The following PTPRD variants were observed in gnomAD, a reference collection of about 807,000 sequenced individuals.
PTPRD encodes the protein receptor-type tyrosine-protein phosphatase delta.
In PTPRD, 34 loss-of-function variants were observed where a neutral mutation model predicts 214.5. The ratio of observed to expected loss-of-function variants is 0.16; its 90% CI spans 0.12 to 0.21. PTPRD has a LOEUF of 0.21. Ranked by LOEUF, PTPRD falls within the 10% of genes least tolerant of loss-of-function variation. The probability of loss-of-function intolerance (pLI) is 1.00; values close to 1 mark genes in which losing one functional copy is unlikely to be tolerated. For missense variants in PTPRD, 2,545 were observed against 2,398.7 expected, an observed-to-expected ratio of 1.06 and a Z score of -1.27; for synonymous variants, 1,128 against 845.7, an observed-to-expected ratio of 1.33 and a Z score of -5.79.
chr9:9,098,403 T>G (rs1020842735), intron 10 of PTPRD, among the ~76,000 whole-genome samples: 3 of 152,008 alleles, frequency 2.0e-5, no homozygotes, highest in Admixed American at 2.0e-4. Flanking sequence ...ACTACAGGCA[T>G]GCACCACCAC....
intron 11 of PTPRD, among the ~76,000 whole-genome samples, chr9:9,013,886 T>A: frequency 6.6e-6 from 1 of 152,172 alleles, no homozygotes; most frequent in Middle Eastern, 3.2e-3. Context: ...AGTATCAACG[T>A]GCAAGGTGAG....
At chr9:9,106,012 G>C (rs941600623) in intron 10 of PTPRD, among the ~76,000 whole-genome samples, 5 of 152,052 alleles carry the variant, frequency 3.3e-5, no homozygotes, top group African/African-American at 7.2e-5. Context: ...TTTTCTCTAG[G>C]ACATCATAAT....
At chr9:9,654,277 T>C (rs537449872) in intron 7 of PTPRD, among the ~76,000 whole-genome samples, 39 of 152,284 alleles carry the variant, frequency 2.6e-4, no homozygotes, top group African/African-American at 9.4e-4. Context: ...AAATATGTGA[T>C]GTATAATTTT....
chr9:9,563,111 A>G (rs1197420816), intron 8 of PTPRD, among the ~76,000 whole-genome samples: 1 of 152,188 alleles, frequency 6.6e-6, no homozygotes, highest in African/African-American at 2.4e-5. Flanking sequence ...TAAGAAATAT[A>G]TAATGTGTTT....
At chr9:8,631,688 G>A (rs1040381294) in intron 14 of PTPRD, among the ~76,000 whole-genome samples, 4 of 151,696 alleles carry the variant, frequency 2.6e-5, no homozygotes, top group African/African-American at 9.7e-5. Context: ...TTTTATATAC[G>A]TATGTATCTT....
intron 9 of PTPRD, among the ~76,000 whole-genome samples, chr9:9,368,397 T>C (rs951450540): frequency 6.6e-6 from 1 of 151,848 alleles, no homozygotes; most frequent in African/African-American, 2.4e-5. Context: ...TCATTCCTTG[T>C]TAGGAATCTA....
intron 12 of PTPRD, among the ~76,000 whole-genome samples, chr9:8,712,735 G>A (rs191391019): frequency 6.7e-6 from 1 of 149,434 alleles, no homozygotes; most frequent in Admixed American, 6.7e-5. Flanking sequence ...GGGGGTGGGG[G>A]GCATGGACTT....
At chr9:10,195,098 A>ATTTTTTTTTTTTTTTTTTTTT (rs34900305) in intron 3 of PTPRD, among the ~76,000 whole-genome samples, 7 of 97,910 alleles carry the variant, frequency 7.1e-5, no homozygotes, top group Non-Finnish European at 9.6e-5. Flanking sequence ...ATACCCGGCT[A>ATTTTTTTTTTTTTTTTTTTTT]TTTTTTTTTT....
Position 10,310,858 on chromosome 9 carries a change from G to A in PTPRD, c.-545+30105C>T, listed in dbSNP as rs201666706. ...CAAAGATGATTTTTTTCATTAATAT[G>A]TTGTTACTCTGGGCAGAGGACAGCT... On this transcript the variant is annotated intron_variant, in intron 3 of 45. Transcript: ENST00000381196. Among the ~76,000 whole-genome samples, 7 of 152,018 alleles carry A rather than the reference G, an allele frequency of 4.6e-5. No homozygotes were observed. In the East Asian group the frequency reaches 1.4e-3, roughly 29 times the overall value.
intron 10 of PTPRD, among the ~76,000 whole-genome samples, chr9:9,118,731 A>G (rs1372006201): frequency 1.3e-5 from 2 of 152,232 alleles, no homozygotes; most frequent in African/African-American, 4.8e-5. Flanking sequence ...TAAGGTGACT[A>G]AAAAGCAGTG....
intron 3 of PTPRD, among the ~76,000 whole-genome samples, chr9:10,174,005 T>C (rs901576987): frequency 6.6e-6 from 1 of 152,168 alleles, no homozygotes; most frequent in African/African-American, 2.4e-5. Flanking sequence ...TGTATGCATA[T>C]ACAATTAAGT....
intron 7 of PTPRD, among the ~76,000 whole-genome samples, chr9:9,718,141 A>G (rs929689359): frequency 3.9e-5 from 6 of 152,338 alleles, no homozygotes; most frequent in Admixed American, 3.9e-4. Context: ...ATAGACACAA[A>G]TACAACAAAT....
chr9:9,390,493 C>A (rs1295802138), intron 9 of PTPRD, among the ~76,000 whole-genome samples: 1 of 151,654 alleles, frequency 6.6e-6, no homozygotes, highest in African/African-American at 2.4e-5. Flanking sequence ...TATCTAATGT[C>A]CTAAAGTATT....
At chr9:10,277,247 A>ACAACATAAACAT (rs1564959954) in intron 3 of PTPRD, among the ~76,000 whole-genome samples, 2 of 91,564 alleles carry the variant, frequency 2.2e-5, no homozygotes, top group Non-Finnish European at 5.4e-5. Context: ...ACATAAACAT[A>ACAACATAAACAT]AAAAAAAAAC....
At chr9:8,530,770 G>A (rs182608823) in intron 14 of PTPRD, among the ~76,000 whole-genome samples, 11 of 152,188 alleles carry the variant, frequency 7.2e-5, no homozygotes, top group Middle Eastern at 3.4e-3. Context: ...TGTGAATGGC[G>A]AAAGAATGTA....
chr9:10,425,839 C>T (rs2098608711), intron 2 of PTPRD, among the ~76,000 whole-genome samples: 1 of 151,870 alleles, frequency 6.6e-6, no homozygotes, highest in South Asian at 2.1e-4. Context: ...TATTAAAACA[C>T]ATGCTGTACA....
intron 2 of PTPRD, among the ~76,000 whole-genome samples, chr9:10,586,001 TAAATCTAAATGTTGTATGAG>T (rs888645627): frequency 6.6e-6 from 1 of 152,100 alleles, no homozygotes; most frequent in African/African-American, 2.4e-5. Context: ...TACAAAGCTA[TAAATCTAAATGTTGTATGAG>T]AAATTCATAC....
At chr9:8,661,559 G>C (rs1464416111) in intron 12 of PTPRD, among the ~76,000 whole-genome samples, 1 of 152,082 alleles carries the variant, frequency 6.6e-6, no homozygotes, top group African/African-American at 2.4e-5. Flanking sequence ...ACACAGGTAA[G>C]AATAGCTGTA....
In PTPRD at chr9:8,521,367, G is replaced by T; in HGVS notation, c.871C>A (p.Leu291Met). The T allele has an allele frequency of 6.2e-7, 1 of 1,613,942 alleles. No individual in the cohort carries two copies. The highest frequency in any genetic ancestry group is 8.5e-7 in the Non-Finnish European group (1 of 1,179,924). ...DMPIGRNVLE[L>M]NDVRQSANYT... is the part of the protein sequence containing the mutation. ...TTTGCTGACTGTCTTACATCATTCA[G>T]TTCTAGCACATTTCTTCCTATTGGC... The change falls in exon 20 of 46, where the codon CTG (leucine) becomes ATG (methionine). Residue 291 changes from leucine (L) to methionine (M), a missense_variant. Physicochemically the swap from Leu to Met is conservative, Grantham distance 15. Coordinates refer to ENST00000381196, the MANE Select transcript of PTPRD (RefSeq NM_002839.4).
Sources: gnomAD v4.1 joint callset for allele counts (sites outside exome capture counted in the v4.1 genomes callset) on GRCh38, gnomAD v4.1.1 for gene constraint, MANE v1.5 for transcripts, NCBI Gene and HGNC (gene_info 2026-07-23, HGNC 2026-07-21) for gene names.